The following MAGI1 variants were observed in gnomAD, a reference collection of about 807,000 sequenced individuals.
MAGI1 encodes the protein membrane associated guanylate kinase, WW and PDZ domain containing 1.
A neutral mutation model predicts 139.9 loss-of-function variants in MAGI1; 58 were observed. The ratio of observed to expected loss-of-function variants is 0.41; its 90% CI spans 0.34 to 0.52. The LOEUF is 0.52. MAGI1 is among the 20% of genes least tolerant of loss of function. The pLI, the probability that MAGI1 is intolerant of heterozygous loss-of-function variation, is 0.12. For missense variants in MAGI1, 1,874 were observed against 1,901.6 expected, an observed-to-expected ratio of 0.99 and a Z score of 0.27; for synonymous variants, 812 against 737.9, an observed-to-expected ratio of 1.10 and a Z score of -1.63.
chr3:65,683,775 T>C (rs1002273891), intron 1 of MAGI1, among the ~76,000 whole-genome samples: 14 of 151,610 alleles, frequency 9.2e-5, no homozygotes, highest in African/African-American at 3.1e-4. Flanking sequence ...TCAGAATGGA[T>C]GAAATGAAAA....
intron 1 of MAGI1, among the ~76,000 whole-genome samples, chr3:65,675,410 A>T (rs2087125888): frequency 1.3e-5 from 2 of 152,208 alleles, no homozygotes; most frequent in Admixed American, 6.5e-5. Flanking sequence ...TGGTGATTTA[A>T]AAACGGGGGA....
At chr3:65,832,706 C>T (rs2042593699) in intron 1 of MAGI1, among the ~76,000 whole-genome samples, 1 of 152,114 alleles carries the variant, frequency 6.6e-6, no homozygotes, top group Non-Finnish European at 1.5e-5. Flanking sequence ...CATCCTAGGG[C>T]AGCTCCAGGC....
chr3:65,662,814 T>C (rs1023512788), intron 1 of MAGI1, among the ~76,000 whole-genome samples: 2 of 152,178 alleles, frequency 1.3e-5, no homozygotes, highest in Non-Finnish European at 1.5e-5. Context: ...TTACCACACA[T>C]AACTACAACT....
chr3:65,361,388 C>T, intron 21 of MAGI1, 51 bp from the exon 22 acceptor site: 1 of 1,591,850 alleles, frequency 6.3e-7, no homozygotes. Flanking sequence ...TGTACGGATT[C>T]ACCAAATGTT....
At chr3:65,630,513 T>C (rs1418040251) in intron 1 of MAGI1, among the ~76,000 whole-genome samples, 1 of 152,102 alleles carries the variant, frequency 6.6e-6, no homozygotes, top group East Asian at 1.9e-4. Context: ...GTGATATCTA[T>C]ACACCATGGA....
Position 65,364,939 on chromosome 3 carries a change from C to T in MAGI1, c.3204G>A (p.Ser1068=), listed in dbSNP as rs149841839. 2.9e-5 allele frequency: 47 copies of T among 1,613,750 alleles called. No homozygotes were observed. The African/African-American group carries it at 2.9e-4, about 10-fold the overall frequency. ...TLRIIPGDES[S]NATLLTNAEK... The stretch of plus-strand genomic sequence containing the variant: ...CTGCATTGGTCAGCAAGGTGGCATT[C>T]GAGGACTCTGCAAAGAGGGACAGAG... Residue 1068 remains serine, a synonymous_variant, in exon 19 of 23, where the codon TCG becomes TCA. Transcript: ENST00000402939.
intron 1 of MAGI1, among the ~76,000 whole-genome samples, chr3:65,790,516 TA>T (rs1356818451): frequency 6.6e-6 from 1 of 152,234 alleles, no homozygotes; most frequent in Non-Finnish European, 1.5e-5. Context: ...ATGGCCATTT[TA>T]AGGGTTAATG....
intron 1 of MAGI1, among the ~76,000 whole-genome samples, chr3:65,974,291 C>T (rs974718564): frequency 2.0e-5 from 3 of 147,206 alleles, no homozygotes; most frequent in Non-Finnish European, 3.0e-5. Context: ...AAAGAGTGAG[C>T]AAATGGGAGA....
chr3:65,922,864 C>T (rs1229524711), intron 1 of MAGI1, among the ~76,000 whole-genome samples: 3 of 152,166 alleles, frequency 2.0e-5, no homozygotes, highest in African/African-American at 7.2e-5. Flanking sequence ...CTGCTCCTTC[C>T]TATAGTCTTT....
chr3:65,714,467 T>G (rs143447633), intron 1 of MAGI1, among the ~76,000 whole-genome samples: 2 of 152,032 alleles, frequency 1.3e-5, no homozygotes, highest in East Asian at 3.9e-4. Flanking sequence ...CTGGGCCCCT[T>G]CGAATCACCC....
chr3:66,010,077 CAAAAAAAA>C lies in MAGI1; in HGVS notation c.313+27911_313+27918del, dbSNP rs60882502. ...GGTGACAAAGTGATACTCTCTGTCT[CAAAAAAAA>C]AAAAAAAAAAAAAAAAAAAGAATCA... On this transcript the variant is annotated intron_variant, in intron 1 of 22. Coordinates refer to ENST00000402939, the MANE Select transcript of MAGI1 (RefSeq NM_001033057.2). Among the ~76,000 whole-genome samples the C allele has an allele frequency of 1.3e-4, 9 of 69,780 alleles. 1 individual carries two copies. The South Asian group carries it at 2.9e-3, about 22-fold the overall frequency. The allele number at this position is 69,780 out of a possible 152,430, so 45.8% of individuals were successfully genotyped here. A position where few individuals can be genotyped will look rare whatever the true frequency, so the allele number is the denominator to read the frequency against.
chr3:65,721,692 T>A (rs976234173), intron 1 of MAGI1, among the ~76,000 whole-genome samples: 1 of 152,166 alleles, frequency 6.6e-6, no homozygotes, highest in Admixed American at 6.6e-5. Flanking sequence ...GAAAAACATA[T>A]TAATGTACTC....
At chr3:65,973,121 G>A (rs767368251) in intron 1 of MAGI1, among the ~76,000 whole-genome samples, 14 of 151,948 alleles carry the variant, frequency 9.2e-5, no homozygotes, top group African/African-American at 1.4e-4. Context: ...CTACACTCCA[G>A]CTGGGTGACA....
intron 1 of MAGI1, among the ~76,000 whole-genome samples, chr3:65,910,855 C>CTTTGTTTTTTT: frequency 1.7e-5 from 1 of 59,484 alleles, no homozygotes; most frequent in Middle Eastern, 0.024. Flanking sequence ...ACATGGTGGA[C>CTTTGTTTTTTT]TTTTTTTTTT....
chr3:65,838,976 T>A (rs781627236), intron 1 of MAGI1, among the ~76,000 whole-genome samples: 1 of 152,248 alleles, frequency 6.6e-6, no homozygotes, highest in Admixed American at 6.5e-5. Flanking sequence ...TGGTTAGTAA[T>A]GTTGAACATC....
At chr3:65,408,981 T>A (rs1272736276) in intron 12 of MAGI1, among the ~76,000 whole-genome samples, 3 of 152,210 alleles carry the variant, frequency 2.0e-5, no homozygotes, top group African/African-American at 7.2e-5. Flanking sequence ...ACTTCTGTGA[T>A]GAAAATGACG....
chr3:65,745,735 T>TC (rs2035649939), intron 1 of MAGI1, among the ~76,000 whole-genome samples: 1 of 149,060 alleles, frequency 6.7e-6, no homozygotes, highest in Admixed American at 6.6e-5. Flanking sequence ...TTCTCTTTTG[T>TC]TTTTCCCCCC....
chr3:65,592,121 T>A (rs938624482), intron 2 of MAGI1, among the ~76,000 whole-genome samples: 1 of 152,206 alleles, frequency 6.6e-6, no homozygotes, highest in Non-Finnish European at 1.5e-5. Flanking sequence ...CAGAACACAG[T>A]TCCTAGCACA....
chr3:65,882,560 G>A (rs1469592714), intron 1 of MAGI1, among the ~76,000 whole-genome samples: 1 of 151,810 alleles, frequency 6.6e-6, no homozygotes. Flanking sequence ...CTCAACTGGG[G>A]GGAAAAAAGG....
Sources: gnomAD v4.1 joint callset for allele counts (sites outside exome capture counted in the v4.1 genomes callset) on GRCh38, gnomAD v4.1.1 for gene constraint, MANE v1.5 for transcripts, NCBI Gene and HGNC (gene_info 2026-07-23, HGNC 2026-07-21) for gene names.